Variants in RYR2 observed in about 807,000 individuals in gnomAD.
RYR2 encodes ryanodine receptor 2.
RYR2 carries 227 observed loss-of-function variants against 601.1 expected under a neutral mutation model. The observed-to-expected ratio is 0.38, with a 90% CI of 0.34 to 0.42. The LOEUF (loss-of-function observed/expected upper bound fraction) is 0.42. RYR2 is among the 10% of genes least tolerant of loss of function. RYR2 has a pLI of 1.00. For synonymous variants in RYR2, 2,223 were observed against 2,175.1 expected, an observed-to-expected ratio of 1.02 and a Z score of -0.61; for missense variants, 4,646 against 6,156.5, an observed-to-expected ratio of 0.75 and a Z score of 8.21.
At position 237,727,194 on chromosome 1, in the gene RYR2, G is replaced by A. The variant is rs1690271237; in HGVS notation, c.10833G>A (p.Leu3611=). 6.7e-7 allele frequency: 1 copy of A among 1,494,148 alleles called. No homozygotes were observed. Among genetic ancestry groups the A allele is most frequent in the Non-Finnish European group, 9.1e-7 (1 of 1,098,024 alleles). 92.6% of individuals were successfully genotyped at this position (1,494,148 alleles called of 1,614,324 possible). ...TCCGGATGGCCCCCTTATATAATCT[G>A]CCAAGGTCGGAATTACTTTATTTTT... ...ACFRMAPLYN[L]PRHRAVNLFL... Residue 3611 remains leucine (L), a synonymous_variant, in exon 76 of 105, where the codon CTG becomes CTA. Transcript: ENST00000366574.
chr1:237,646,741 A>C lies in RYR2; in HGVS notation c.7343-1703A>C, dbSNP rs115731860. On this transcript the variant is annotated intron_variant, in intron 48 of 104. Coordinates refer to ENST00000366574, the MANE Select transcript of RYR2 (RefSeq NM_001035.3). ...CACATAATCTTGCAGCTCTTGGCCCAGACTGATTTGGCCGCCCTGTCTGAG... is the reference window on the plus strand; with the variant it reads ...CACATAATCTTGCAGCTCTTGGCCCCGACTGATTTGGCCGCCCTGTCTGAG... 3.0e-3 allele frequency among the ~76,000 whole-genome samples: 460 copies of C among 152,336 alleles called. 2 individuals are homozygous for C. The highest frequency in any genetic ancestry group is 0.01 in the African/African-American group (436 of 41,588).
chr1:237,356,131 C>T, intron 4 of RYR2, 146 bp downstream of exon 4: 1 of 713,374 alleles, frequency 1.4e-6, no homozygotes, highest in South Asian at 1.8e-5. Flanking sequence ...ACATGTTTTA[C>T]AGGTCTCTAA....
intron 25 of RYR2, among the ~76,000 whole-genome samples, chr1:237,547,097 T>C (rs1669906825): frequency 6.6e-6 from 1 of 151,150 alleles, no homozygotes; most frequent in Admixed American, 6.6e-5. Context: ...TCTCTGCCTC[T>C]TGGGTTTAAG....
At chr1:237,343,603 C>T (rs1401426730) in intron 3 of RYR2, among the ~76,000 whole-genome samples, 1 of 151,996 alleles carries the variant, frequency 6.6e-6, no homozygotes, top group African/African-American at 2.4e-5. Context: ...TATCTTTACA[C>T]AGTCATGGAC....
At chr1:237,432,912 A>C (rs1706973483) in intron 12 of RYR2, among the ~76,000 whole-genome samples, 1 of 150,884 alleles carries the variant, frequency 6.6e-6, no homozygotes, top group African/African-American at 2.4e-5. Context: ...TAAATTTTCT[A>C]ATTCTTAGAT....
chr1:237,265,613 C>T (rs554138915), intron 1 of RYR2, among the ~76,000 whole-genome samples: 18 of 152,246 alleles, frequency 1.2e-4, no homozygotes, highest in Non-Finnish European at 1.9e-4. Context: ...TGAGCTACCG[C>T]GCCTGGCCTG....
chr1:237,137,575 G>A (rs1041426985), intron 1 of RYR2, among the ~76,000 whole-genome samples: 4 of 152,162 alleles, frequency 2.6e-5, no homozygotes, highest in South Asian at 2.1e-4. Flanking sequence ...GATGTTTCTC[G>A]AAGGGGAGTC....
intron 100 of RYR2, among the ~76,000 whole-genome samples, chr1:237,814,971 T>TC (rs1661652540): frequency 1.5e-5 from 2 of 132,146 alleles, no homozygotes; most frequent in Non-Finnish European, 1.6e-5. Flanking sequence ...TTTTCTTTTT[T>TC]TTTTTTTTTT....
chr1:237,387,141 A>T, intron 8 of RYR2, 140 bp from the exon 9 acceptor site: 2 of 728,112 alleles, frequency 2.7e-6, no homozygotes, highest in Admixed American at 2.2e-5. Context: ...TAGTTTTTTG[A>T]TTCTTGAATG....
chr1:237,829,108 G>A (rs12025891), intron 102 of RYR2, among the ~76,000 whole-genome samples: 54,078 of 152,084 alleles, frequency 0.36, 10,931 homozygotes, highest in Middle Eastern at 0.61. Context: ...TGAGGCTGGA[G>A]AGGAATACCA....
At chr1:237,748,454 C>G (rs1409095333) in intron 80 of RYR2, among the ~76,000 whole-genome samples, 1 of 152,190 alleles carries the variant, frequency 6.6e-6, no homozygotes, top group African/African-American at 2.4e-5. Context: ...TTGAATACAG[C>G]CTGTTGAGTG....
At position 237,441,337 on chromosome 1, in the gene RYR2, G is replaced by A. The variant is rs371898166; in HGVS notation, c.1024G>A (p.Val342Met). The A allele has an allele frequency of 1.9e-6, 3 of 1,613,504 alleles. No homozygotes were observed. In the African/African-American group the frequency reaches 4.0e-5, roughly 22 times the overall value. The stretch of plus-strand genomic sequence containing the variant: ...CCCTTAGGAAAAATTGGATGTAGGG[G>A]TGAGAAAAGAAGTAGATGGCATGGG... ...RSSKEKLDVG[V>M]RKEVDGMGTS... Residue 342 changes from valine to methionine, a missense_variant, in exon 13 of 105, where the codon GTG (valine) becomes ATG (methionine). Coordinates refer to ENST00000366574, the MANE Select transcript of RYR2 (RefSeq NM_001035.3).
At chr1:237,736,395 A>G (rs1691148503) in intron 79 of RYR2, among the ~76,000 whole-genome samples, 2 of 151,628 alleles carry the variant, frequency 1.3e-5, no homozygotes, top group Non-Finnish European at 2.9e-5. Context: ...TGGGAGGCGG[A>G]AAGTTGCAGT....
At chr1:237,381,632 T>C (rs984380577) in intron 8 of RYR2, among the ~76,000 whole-genome samples, 1 of 152,160 alleles carries the variant, frequency 6.6e-6, no homozygotes, top group African/African-American at 2.4e-5. Context: ...AATGCTAAAT[T>C]GATGAAAGCT....
At chr1:237,395,533 C>CTTTTTTTTTTTTTTTTTTTTTT (rs71180022) in intron 10 of RYR2, among the ~76,000 whole-genome samples, 2 of 87,428 alleles carry the variant, frequency 2.3e-5, no homozygotes, top group Non-Finnish European at 2.1e-5. Flanking sequence ...GTAGGACTGT[C>CTTTTTTTTTTTTTTTTTTTTTT]TTTTTTTTTT....
intron 17 of RYR2, among the ~76,000 whole-genome samples, chr1:237,475,996 G>A (rs1443562400): frequency 6.6e-6 from 1 of 152,204 alleles, no homozygotes; most frequent in Non-Finnish European, 1.5e-5. Context: ...TCTTCTGGAT[G>A]TTCTCAGTCC....
Position 237,042,383 on chromosome 1 carries a change from C to G in RYR2, c.-139C>G. Reference sequence around the variant, plus strand: ...CTCCGCTCTGCAGGCGGGGACCGCCCGGCGCTCGGCACCCGGCAGCGCGGC... The same window carrying G: ...CTCCGCTCTGCAGGCGGGGACCGCCGGGCGCTCGGCACCCGGCAGCGCGGC... On this transcript the variant is annotated 5_prime_UTR_variant, in exon 1 of 105. Coordinates refer to ENST00000366574, the MANE Select transcript of RYR2 (RefSeq NM_001035.3). 1.2e-6 allele frequency: 1 copy of G among 840,864 alleles called. No homozygotes were observed. Among genetic ancestry groups the G allele is most frequent in the Non-Finnish European group, 1.5e-6 (1 of 649,814 alleles). 52.1% of individuals were successfully genotyped at this position (840,864 alleles called of 1,614,324 possible). A position where few individuals can be genotyped will look rare whatever the true frequency, so the allele number is the denominator to read the frequency against.
chr1:237,364,408 T>G, intron 5 of RYR2, 36 bp downstream of exon 5: 1 of 1,211,354 alleles, frequency 8.3e-7, no homozygotes, highest in Non-Finnish European at 1.2e-6. Flanking sequence ...TGTATATATA[T>G]AGCAGATATA....
At chr1:237,205,241 G>T (rs1249994710) in intron 1 of RYR2, among the ~76,000 whole-genome samples, 1 of 152,206 alleles carries the variant, frequency 6.6e-6, no homozygotes, top group Non-Finnish European at 1.5e-5. Context: ...GTTTGTGACA[G>T]GGTTGGAATA....
Sources: allele counts gnomAD v4.1 joint callset (sites outside exome capture counted in the v4.1 genomes callset), GRCh38; gene constraint gnomAD v4.1.1; transcripts MANE v1.5; gene names NCBI Gene and HGNC (gene_info 2026-07-23, HGNC 2026-07-21).